Variants in PRMT5 observed in about 807,000 individuals in gnomAD.
The protein encoded by PRMT5 is protein arginine methyltransferase 5.
A neutral mutation model predicts 84.0 loss-of-function variants in PRMT5; 15 were observed. That is an observed-to-expected ratio of 0.18 (90% CI 0.12 to 0.28). The LOEUF is 0.28. PRMT5 is among the 10% of genes least tolerant of loss of function. PRMT5 has a pLI of 1.00. For synonymous variants in PRMT5, 276 were observed against 292.4 expected, an observed-to-expected ratio of 0.94 and a Z score of 0.57; for missense variants, 486 against 808.0, an observed-to-expected ratio of 0.60 and a Z score of 4.83.
chr14:22,925,072 C>T (rs376013566), intron 7 of PRMT5, 32 bp from the exon 8 acceptor site: 17 of 1,607,736 alleles, frequency 1.1e-5, no homozygotes, highest in Non-Finnish European at 1.3e-5. Context: ...CAGACACAGC[C>T]CTCAAACCAA....
chr14:22,928,013 A>G lies in PRMT5; in HGVS notation c.315+113T>C. 1.0e-6 allele frequency: 1 copy of G among 967,878 alleles called. No homozygotes were observed. Among genetic ancestry groups the G allele is most frequent in the Non-Finnish European group, 1.6e-6 (1 of 638,444 alleles). The allele number at this position is 967,878 out of a possible 1,614,324, so 60.0% of individuals were successfully genotyped here. The stretch of plus-strand genomic sequence containing the variant: ...TGTGCACCACAGCACCCAGCCTAAT[A>G]GCTTTAATTTCATTCTATCAGTTAA... On this transcript the variant is annotated intron_variant, in intron 3 of 16. Coordinates refer to ENST00000324366, the MANE Select transcript of PRMT5 (RefSeq NM_006109.5). The surrounding 1 kb of genome is among the most constrained non-coding windows in gnomAD (Gnocchi z 4.8).
At chr14:22,926,363 C>T (rs1275536493) in intron 6 of PRMT5, 67 bp from the exon 7 acceptor site, 6 of 1,599,668 alleles carry the variant, frequency 3.8e-6, no homozygotes, top group Non-Finnish European at 5.1e-6. Context: ...CTCCTTTGCG[C>T]AAAATCTGTT....
chr14:22,928,563 T>G lies in PRMT5; in HGVS notation c.163A>C (p.Ile55Leu). The G allele has an allele frequency of 6.2e-7, 1 of 1,614,134 alleles. No individual in the cohort carries two copies. Among genetic ancestry groups the G allele is most frequent in the East Asian group, 2.2e-5 (1 of 44,888 alleles). ...GGCCGATTCTTAGCAGGTTCCTGAA[T>G]GAACTCCCTCTTGAAACGCGGATGG... Reference protein sequence around the residue: ...VFHPRFKREFIQEPAKNRPGP... With the variant: ...VFHPRFKREFLQEPAKNRPGP... The change falls in exon 2 of 17, where the codon ATT becomes CTT. Residue 55 changes from isoleucine (I) to leucine (L), a missense_variant. Physicochemically the swap from Ile to Leu is conservative, Grantham distance 5. Coordinates refer to ENST00000324366, the MANE Select transcript of PRMT5 (RefSeq NM_006109.5). The surrounding 1 kb of genome is among the most constrained non-coding windows in gnomAD (Gnocchi z 4.8).
chr14:22,927,491 T>C, intron 4 of PRMT5, 35 bp downstream of exon 4: 1 of 1,612,722 alleles, frequency 6.2e-7, no homozygotes, highest in Non-Finnish European at 8.5e-7. Flanking sequence ...CTGACTACTA[T>C]GATATGCAGC....
Position 22,924,975 on chromosome 14 carries a change from G to C in PRMT5, c.843C>G (p.Leu281=). 2.5e-6 allele frequency: 4 copies of C among 1,614,112 alleles called. No individual in the cohort carries two copies. In the South Asian group the frequency reaches 3.3e-5, roughly 13 times the overall value. ...HHSEKEFCSY[L]QYLEYLSQNR... is the part of the protein sequence containing the mutation. ...TCTGGCTTAAGTATTCCAGGTATTG[G>C]AGGTAGGAGCAGAACTCCTTCTCTG... The change falls in exon 8 of 17, where the codon CTC becomes CTG. Residue 281 remains leucine, a synonymous_variant. Coordinates refer to ENST00000324366, the MANE Select transcript of PRMT5 (RefSeq NM_006109.5). The surrounding 1 kb of genome is among the most constrained non-coding windows in gnomAD (Gnocchi z 6.5).
rs1453714456 is a variant in PRMT5 at position 22,926,499 on chromosome 14, G to C, written c.613+7C>G. 7 of 1,613,936 alleles carry C rather than the reference G, an allele frequency of 4.3e-6. No homozygotes were observed. The highest frequency in any genetic ancestry group is 1.1e-5 in the South Asian group (1 of 91,090). ...CCACACCCATCCCAGGATTCTCATG[G>C]ACTCACCCACTGCAATCCTCTTACT... On this transcript the variant is annotated splice_region_variant and intron_variant, in intron 6 of 16. Transcript: ENST00000324366.
In PRMT5 at chr14:22,926,237, G is replaced by A. The variant is rs780676701; in HGVS notation, c.673C>T (p.Pro225Ser). ...GTGGGGAGAATGGCTGCTTTGATGG[G>A]CTCCCCAAGCCAGCGATCAATGACA... ...NHVIDRWLGE[P>S]IKAAILPTSI... is the part of the protein sequence containing the mutation. The change falls in exon 7 of 17, where the codon CCC becomes TCC. Residue 225 changes from proline to serine, a missense_variant. Transcript: ENST00000324366. The A allele has an allele frequency of 1.9e-6, 3 of 1,613,806 alleles. No individual in the cohort carries two copies. The highest frequency in any genetic ancestry group is 2.5e-6 in the Non-Finnish European group (3 of 1,179,808).
rs953304206 is a variant in PRMT5, at chr14:22,926,301, A to T, written c.614-5T>A. On this transcript the variant is annotated splice_region_variant and splice_polypyrimidine_tract_variant and intron_variant, in intron 6 of 16. Coordinates refer to ENST00000324366, the MANE Select transcript of PRMT5 (RefSeq NM_006109.5). ...GGTCAGCCCCAATTTCAAGAGCTAC[A>T]TGAGGCAAAAGAAAAACTGTCAACC... 6.2e-7 allele frequency: 1 copy of T among 1,612,754 alleles called. No individual in the cohort carries two copies. The highest frequency in any genetic ancestry group is 1.3e-5 in the African/African-American group (1 of 74,826).
chr14:22,929,037 CT>C (rs2044488827), intron 1 of PRMT5: 2 of 1,210,592 alleles, frequency 1.7e-6, no homozygotes, highest in Non-Finnish European at 2.4e-6. Context: ...TACCCAACAA[CT>C]CTCCCAACTT....
Position 22,928,670 on chromosome 14 carries a change from C to T in PRMT5, c.111-55G>A. The T allele has an allele frequency of 7.4e-7, 1 of 1,349,686 alleles. No individual in the cohort carries two copies. The highest frequency in any genetic ancestry group is 1.1e-6 in the Non-Finnish European group (1 of 938,964). The allele number at this position is 1,349,686 out of a possible 1,614,324, so 83.6% of individuals were successfully genotyped here. A position where few individuals can be genotyped will look rare whatever the true frequency, so the allele number is the denominator to read the frequency against. ...AAAGACAGCAGCAGTGCCAGAGAGC[C>T]AAGCAACTGGATTTAGGCTATCTTG... is the stretch of plus-strand genomic sequence containing the variant. On this transcript the variant is annotated intron_variant, in intron 1 of 16. Transcript: ENST00000324366. The surrounding 1 kb of genome is among the most constrained non-coding windows in gnomAD (Gnocchi z 4.8).
chr14:22,926,230 T>C lies in PRMT5; in HGVS notation c.680A>G (p.Lys227Arg). Residue 227 changes from lysine to arginine, a missense_variant, in exon 7 of 17, where the codon AAA (lysine) becomes AGA (arginine). Lys to Arg is a conservative substitution (Grantham distance 26). Transcript: ENST00000324366. ...VIDRWLGEPIKAAILPTSIFL... is the reference protein window; with the variant it reads ...VIDRWLGEPIRAAILPTSIFL... ...AATGCTAGTGGGGAGAATGGCTGCT[T>C]TGATGGGCTCCCCAAGCCAGCGATC... is the stretch of plus-strand genomic sequence containing the variant. The C allele has an allele frequency of 6.2e-7, 1 of 1,613,812 alleles. No homozygotes were observed. Among genetic ancestry groups the C allele is most frequent in the Non-Finnish European group, 8.5e-7 (1 of 1,179,790 alleles).
chr14:22,926,833 C>G lies in PRMT5; in HGVS notation c.451-19G>C. On this transcript the variant is annotated intron_variant, in intron 4 of 16. Coordinates refer to ENST00000324366, the MANE Select transcript of PRMT5 (RefSeq NM_006109.5). The stretch of plus-strand genomic sequence containing the variant: ...TCCAGAACTGCACATGAACAGTCAC[C>G]CTTTTAGAACTCTCTTTTGAACTCA... The G allele has an allele frequency of 3.2e-6, 5 of 1,552,646 alleles. No homozygotes were observed. The highest frequency in any genetic ancestry group is 4.4e-6 in the Non-Finnish European group (5 of 1,124,144).
In PRMT5 at chr14:22,924,382, C is replaced by T. The variant is rs1303466759; in HGVS notation, c.1087G>A (p.Val363Met). 6.2e-7 allele frequency: 1 copy of T among 1,614,060 alleles called. No homozygotes were observed. Among genetic ancestry groups the T allele is most frequent in the Admixed American group, 1.7e-5 (1 of 59,998 alleles). ...AGGGGTCCCCGTCCTGCTCCCAGCACCATCAGTACCCTAAGAAAGAAAGGG... is the reference window on the plus strand; with the variant it reads ...AGGGGTCCCCGTCCTGCTCCCAGCATCATCAGTACCCTAAGAAAGAAAGGG... ...EKDTNVQVLM[V>M]LGAGRGPLVN... The change falls in exon 11 of 17, where the codon GTG becomes ATG. Residue 363 changes from valine to methionine, a missense_variant. By Grantham distance (21) the Val-to-Met change is conservative. Coordinates refer to ENST00000324366, the MANE Select transcript of PRMT5 (RefSeq NM_006109.5). This position sits in a 1 kb window ranked among gnomAD's most constrained non-coding sequence, Gnocchi z 6.5.
At position 22,927,494 on chromosome 14, in the gene PRMT5, T is replaced by C. The variant is rs2044448883; in HGVS notation, c.450+32A>G. The C allele has an allele frequency of 4.3e-6, 7 of 1,612,954 alleles. No homozygotes were observed. In the East Asian group the frequency reaches 1.6e-4, roughly 36 times the overall value. On this transcript the variant is annotated intron_variant, in intron 4 of 16. Transcript: ENST00000324366. Reference sequence around the variant, plus strand: ...ACTTAGCACAATCTGACTACTATGATATGCAGCAGGAAAGGAGCCCCTCAG... The same window carrying C: ...ACTTAGCACAATCTGACTACTATGACATGCAGCAGGAAAGGAGCCCCTCAG...
chr14:22,925,123 G>T, intron 7 of PRMT5, 83 bp from the exon 8 acceptor site: 1 of 1,380,216 alleles, frequency 7.2e-7, no homozygotes, highest in Non-Finnish European at 9.9e-7. Flanking sequence ...GAGCCCTAGT[G>T]TAAAATAAGG....
rs553560779 is a variant in PRMT5, at chr14:22,928,484, G to A, written c.229+13C>T. 1 of 1,577,466 alleles carries A rather than the reference G, an allele frequency of 6.3e-7. No homozygotes were observed. The highest frequency in any genetic ancestry group is 1.3e-5 in the African/African-American group (1 of 74,234). The stretch of plus-strand genomic sequence containing the variant: ...GCCTCTAATAATTAAGGGGCATATG[G>A]GATGGTCCCTACCCCTTCCTGACAG... On this transcript the variant is annotated intron_variant, in intron 2 of 16. Transcript: ENST00000324366. The surrounding 1 kb of genome is among the most constrained non-coding windows in gnomAD (Gnocchi z 4.8).
In PRMT5 at chr14:22,922,566, G is replaced by C; in HGVS notation, c.1580-7C>G. 2.5e-6 allele frequency: 4 copies of C among 1,606,210 alleles called. No homozygotes were observed. The highest frequency in any genetic ancestry group is 3.4e-6 in the Non-Finnish European group (4 of 1,172,858). ...TTGTTGTCAATCATAGGATCTGTCA[G>C]GAAATAATTATGTGGGTGACAAGGG... is the stretch of plus-strand genomic sequence containing the variant. On this transcript the variant is annotated splice_region_variant and splice_polypyrimidine_tract_variant and intron_variant, in intron 14 of 16. Transcript: ENST00000324366.
rs1358406203 is a variant in PRMT5, at chr14:22,928,314, G to GT, written c.230-104dup. 11 of 1,353,576 alleles carry GT rather than the reference G, an allele frequency of 8.1e-6. No homozygotes were observed. Among genetic ancestry groups the GT allele is most frequent in the African/African-American group, 2.9e-5 (2 of 68,956 alleles). The allele number at this position is 1,353,576 out of a possible 1,614,324, so 83.8% of individuals were successfully genotyped here. A position where few individuals can be genotyped will look rare whatever the true frequency, so the allele number is the denominator to read the frequency against. On this transcript the variant is annotated intron_variant, in intron 2 of 16. Transcript: ENST00000324366. The surrounding 1 kb of genome is among the most constrained non-coding windows in gnomAD (Gnocchi z 4.8). ...TCAAGAGTAGAAATGAGAGACAAAGGTTTTTTCTACATAGACATGGGATAG... is the reference window on the plus strand; with the variant it reads ...TCAAGAGTAGAAATGAGAGACAAAGGTTTTTTTCTACATAGACATGGGATAG...
chr14:22,929,012 G>A, intron 1 of PRMT5: 4 of 921,412 alleles, frequency 4.3e-6, no homozygotes, highest in Non-Finnish European at 6.6e-6. Flanking sequence ...GCGACCTCCA[G>A]GGCCCTTTAG....
Sources: gnomAD v4.1 joint callset for allele counts on GRCh38, gnomAD v4.1.1 for gene constraint, Gnocchi (gnomAD v3.1) non-coding constraint, MANE v1.5 for transcripts, NCBI Gene and HGNC (gene_info 2026-07-23, HGNC 2026-07-21) for gene names.